Variants in LEO1 observed in about 807,000 individuals in gnomAD.
The protein encoded by LEO1 is LEO1 component of Paf1/RNA polymerase II complex.
Under a neutral mutation model 80.4 loss-of-function variants are expected in LEO1, and 34 were observed. The observed-to-expected ratio is 0.42, with a 90% confidence interval of 0.32 to 0.56. LEO1 has a LOEUF of 0.56. LEO1 is among the 20% of genes least tolerant of loss of function. The pLI is 0.10. For missense variants in LEO1, 631 were observed against 814.2 expected, an observed-to-expected ratio of 0.77 and a Z score of 2.74; for synonymous variants, 262 against 274.9, an observed-to-expected ratio of 0.95 and a Z score of 0.46.
intron 10 of LEO1, among the ~76,000 whole-genome samples, chr15:51,948,618 A>T (rs186507574): frequency 4.1e-4 from 63 of 152,336 alleles, no homozygotes; most frequent in African/African-American, 1.4e-3. Context: ...TGGGCTAAGT[A>T]CTTTAAATGT....
In LEO1 at chr15:51,961,211, C is replaced by T. The variant is rs545516452; in HGVS notation, c.920-478G>A. Among the ~76,000 whole-genome samples the T allele has an allele frequency of 6.6e-5, 10 of 152,168 alleles. No individual in the cohort carries two copies. The East Asian group carries it at 7.7e-4, about 12-fold the overall frequency. On this transcript the variant is annotated intron_variant, in intron 3 of 11. Transcript: ENST00000299601. Reference sequence around the variant, plus strand: ...CAGCCTGACCAACATGGTGAAACCCCGTCTCTACTAAAAATACAAAAACTA... The same window carrying T: ...CAGCCTGACCAACATGGTGAAACCCTGTCTCTACTAAAAATACAAAAACTA...
intron 11 of LEO1, among the ~76,000 whole-genome samples, chr15:51,939,624 C>T (rs1001689443): frequency 2.0e-5 from 3 of 152,188 alleles, no homozygotes; most frequent in Non-Finnish European, 4.4e-5. Context: ...ATACTCCCAG[C>T]GCCACAGGCA....
intron 6 of LEO1, among the ~76,000 whole-genome samples, chr15:51,957,382 C>T (rs1454164633): frequency 6.6e-6 from 1 of 152,032 alleles, no homozygotes; most frequent in Non-Finnish European, 1.5e-5. Context: ...TAAATCAATA[C>T]ATCCATGTGT....
At chr15:51,959,009 T>A (rs1282350461) in intron 5 of LEO1, among the ~76,000 whole-genome samples, 183 bp from the exon 6 acceptor site, 1 of 151,686 alleles carries the variant, frequency 6.6e-6, no homozygotes, top group Non-Finnish European at 1.5e-5. Flanking sequence ...TTTTTCTTTT[T>A]TTTTTTTTTT....
In LEO1 at chr15:51,966,200, A is replaced by G. The variant is rs138801844; in HGVS notation, c.363T>C (p.His121=). The change falls in exon 2 of 12, where the codon CAT becomes CAC. Residue 121 remains histidine (H), a synonymous_variant. Transcript: ENST00000299601. ...AATGATGGCTCCCTCCATCCGATCT[A>G]TGACCTTCGTCTTCATCATCATTAG... ...EAPNDDEDEG[H]RSDGGSHHSE... 3.2e-5 allele frequency: 52 copies of G among 1,613,814 alleles called. No individual in the cohort carries two copies. In the African/African-American group the frequency reaches 6.1e-4, roughly 19 times the overall value.
chr15:51,969,538 G>C (rs891125029), intron 1 of LEO1, among the ~76,000 whole-genome samples: 2 of 150,998 alleles, frequency 1.3e-5, no homozygotes, highest in Non-Finnish European at 2.9e-5. Flanking sequence ...GGGAGGATAA[G>C]GGAGGAGAAT....
chr15:51,962,113 A>C (rs149978809), intron 3 of LEO1, among the ~76,000 whole-genome samples: 19 of 151,254 alleles, frequency 1.3e-4, no homozygotes, highest in African/African-American at 4.6e-4. Context: ...CAATAAGCTG[A>C]GCTTGCACCA....
At position 51,966,163 on chromosome 15, in the gene LEO1, C is replaced by G. The variant is rs775521179; in HGVS notation, c.400G>C (p.Gly134Arg). The G allele has an allele frequency of 6.2e-7, 1 of 1,613,962 alleles. No homozygotes were observed. The highest frequency in any genetic ancestry group is 1.1e-5 in the South Asian group (1 of 91,068). Reference sequence around the variant, plus strand: ...TCATCTGAATGTGCTTTTTCAGAACCTTCTGCTTCTGAATGATGGCTCCCT... The same window carrying G: ...TCATCTGAATGTGCTTTTTCAGAACGTTCTGCTTCTGAATGATGGCTCCCT... Reference protein sequence around the residue: ...DGGSHHSEAEGSEKAHSDDEK... With the variant: ...DGGSHHSEAERSEKAHSDDEK... Residue 134 changes from glycine (G) to arginine (R), a missense_variant, in exon 2 of 12, where the codon GGT (glycine) becomes CGT (arginine). Around this residue, in one of 4 missense-constraint regions of LEO1, gnomAD observed 394 missense variants for 395.6 expected, o/e 1.00. Transcript: ENST00000299601.
intron 11 of LEO1, among the ~76,000 whole-genome samples, chr15:51,945,271 A>AAAAAAAAG (rs1215668662): frequency 6.7e-6 from 1 of 150,236 alleles, no homozygotes; most frequent in African/African-American, 2.4e-5. Flanking sequence ...ACAAAAAAAA[A>AAAAAAAAG]AAAAAAAAGC....
At position 51,942,537 on chromosome 15, in the gene LEO1, G is replaced by A. The variant is rs183556849; in HGVS notation, c.1897-4277C>T. 8.5e-5 allele frequency among the ~76,000 whole-genome samples: 13 copies of A among 152,290 alleles called. No individual in the cohort carries two copies. The East Asian group carries it at 2.5e-3, about 29-fold the overall frequency. On this transcript the variant is annotated intron_variant, in intron 11 of 11. Transcript: ENST00000299601. ...AGAAAAAAATAGCATCTGCTTAGAT[G>A]AGGACTCACATTTGCCTGTTGTTCA... is the stretch of plus-strand genomic sequence containing the variant.
At chr15:51,951,343 C>G (rs560714195) in intron 9 of LEO1, among the ~76,000 whole-genome samples, 2 of 152,234 alleles carry the variant, frequency 1.3e-5, no homozygotes, top group Non-Finnish European at 2.9e-5. Flanking sequence ...CCCAAATAAA[C>G]TTGTGCCTAA....
intron 2 of LEO1, among the ~76,000 whole-genome samples, 194 bp from the exon 3 acceptor site, chr15:51,962,687 T>A (rs141222763): frequency 1.6e-4 from 24 of 152,206 alleles, no homozygotes; most frequent in African/African-American, 5.8e-4. Context: ...GAGGCCAATC[T>A]GAAAGACTAC....
chr15:51,943,997 C>A (rs2056879256), intron 11 of LEO1, among the ~76,000 whole-genome samples: 1 of 152,040 alleles, frequency 6.6e-6, no homozygotes, highest in Admixed American at 6.6e-5. Flanking sequence ...CCAACATACA[C>A]CTAATGGGAA....
chr15:51,953,355 GC>G, intron 7 of LEO1, 92 bp from the exon 8 acceptor site: 1 of 1,342,880 alleles, frequency 7.4e-7, no homozygotes, highest in Non-Finnish European at 1.0e-6. Context: ...GGGCACAGTG[GC>G]CCACATGTGT....
intron 11 of LEO1, among the ~76,000 whole-genome samples, chr15:51,945,262 C>CGAAAAAAAAAAAAA (rs2056889485): frequency 1.2e-5 from 1 of 80,394 alleles, no homozygotes; most frequent in African/African-American, 4.9e-5. Context: ...ACAAAAAATA[C>CGAAAAAAAAAAAAA]AAAAAAAAAA....
chr15:51,955,743 C>T (rs2056984195), intron 6 of LEO1, among the ~76,000 whole-genome samples: 1 of 152,232 alleles, frequency 6.6e-6, no homozygotes, highest in African/African-American at 2.4e-5. Flanking sequence ...CGGAGATCGT[C>T]TGGATCTCCA....
rs745558053 is a variant in LEO1 at position 51,954,626 on chromosome 15, G to A, written c.1246-51C>T. The A allele has an allele frequency of 4.1e-6, 5 of 1,231,634 alleles. No homozygotes were observed. The African/African-American group carries it at 5.9e-5, about 15-fold the overall frequency. The allele number at this position is 1,231,634 out of a possible 1,614,324, so 76.3% of individuals were successfully genotyped here. A position where few individuals can be genotyped will look rare whatever the true frequency, so the allele number is the denominator to read the frequency against. ...AAAATTATAGTTTAAATGACTCTAT[G>A]CATCTTGTTTTTCCTCAAGAGGCAC... On this transcript the variant is annotated intron_variant, in intron 6 of 11. Transcript: ENST00000299601.
In LEO1 at chr15:51,954,669, A is replaced by C. The variant is rs989906760; in HGVS notation, c.1246-94T>G. On this transcript the variant is annotated intron_variant, in intron 6 of 11. Transcript: ENST00000299601. ...AGAGGCACATAATCACAGAATAAGCATACAGAGGTGACAGATGTATGTGTG... is the reference window on the plus strand; with the variant it reads ...AGAGGCACATAATCACAGAATAAGCCTACAGAGGTGACAGATGTATGTGTG... 5.9e-5 allele frequency: 47 copies of C among 803,404 alleles called. No individual in the cohort carries two copies. In the East Asian group the frequency reaches 1.1e-3, roughly 19 times the overall value. 49.8% of individuals were successfully genotyped at this position (803,404 alleles called of 1,614,324 possible).
intron 11 of LEO1, among the ~76,000 whole-genome samples, chr15:51,944,073 AT>A (rs936209445): frequency 1.3e-5 from 2 of 152,226 alleles, no homozygotes; most frequent in Non-Finnish European, 2.9e-5. Flanking sequence ...AACTTCCCAG[AT>A]TTGTTGAAAA....
Sources: allele counts gnomAD v4.1 joint callset (sites outside exome capture counted in the v4.1 genomes callset), GRCh38; gene constraint gnomAD v4.1.1; regional missense constraint gnomAD v4.1.1; transcripts MANE v1.5; gene names NCBI Gene and HGNC (gene_info 2026-07-23, HGNC 2026-07-21).